Variants in PCDHGB6 observed in about 807,000 individuals in gnomAD.
PCDHGB6 encodes protocadherin gamma-B6.
In PCDHGB6, 51 loss-of-function variants were observed where a neutral mutation model predicts 59.1. The ratio of observed to expected loss-of-function variants is 0.86; its 90% confidence interval spans 0.69 to 1.09. The LOEUF (loss-of-function observed/expected upper bound fraction) is 1.09. Among genes scored for constraint, PCDHGB6 ranks in the 50% least tolerant of loss-of-function variants. The probability of loss-of-function intolerance (pLI) is 0.00; values close to 1 mark genes in which losing one functional copy is unlikely to be tolerated. For missense variants in PCDHGB6, 1,148 were observed against 1,205.1 expected, an observed-to-expected ratio of 0.95 and a Z score of 0.70; for synonymous variants, 466 against 495.1, an observed-to-expected ratio of 0.94 and a Z score of 0.78.
At chr5:141,455,634 G>T (rs1429708887) in intron 1 of PCDHGB6, among the ~76,000 whole-genome samples, 1 of 152,110 alleles carries the variant, frequency 6.6e-6, no homozygotes, top group African/African-American at 2.4e-5. Context: ...GAGATATGTG[G>T]GGGGCAGCCA....
Position 141,432,668 on chromosome 5 carries a change from G to C in PCDHGB6, c.2418+22048G>C, listed in dbSNP as rs1202414814. 2.5e-6 allele frequency: 4 copies of C among 1,613,742 alleles called. No individual in the cohort carries two copies. The highest frequency in any genetic ancestry group is 2.2e-5 in the South Asian group (2 of 91,068). On this transcript the variant is annotated intron_variant, in intron 1 of 3. Coordinates refer to ENST00000520790, the MANE Select transcript of PCDHGB6 (RefSeq NM_018926.3). This position sits in a 1 kb window ranked among gnomAD's most constrained non-coding sequence, Gnocchi z 6.0. The stretch of plus-strand genomic sequence containing the variant: ...GGCGCGAGCCCTGCTGGACAGAGAC[G>C]CGCTCAAGCAGAGCCTCGTAGTGGC...
chr5:141,504,963 AC>A (rs1409940135), intron 2 of PCDHGB6, among the ~76,000 whole-genome samples: 1 of 152,038 alleles, frequency 6.6e-6, no homozygotes, highest in Non-Finnish European at 1.5e-5. Context: ...AATGCATTGG[AC>A]CAGCCTGGCC....
At chr5:141,456,044 C>T (rs1307913066) in intron 1 of PCDHGB6, among the ~76,000 whole-genome samples, 2 of 151,826 alleles carry the variant, frequency 1.3e-5, no homozygotes, top group African/African-American at 2.4e-5. Context: ...ACTACAGGCG[C>T]CCACCACCAC....
chr5:141,488,210 A>G (rs2099673009), intron 1 of PCDHGB6, among the ~76,000 whole-genome samples: 1 of 152,192 alleles, frequency 6.6e-6, no homozygotes, highest in Admixed American at 6.5e-5. Context: ...ACTCATATCA[A>G]GTCCCTACTG....
Position 141,409,412 on chromosome 5 carries a change from C to A in PCDHGB6, c.1210C>A (p.Leu404Met). 1 of 1,614,032 alleles carries A rather than the reference C, an allele frequency of 6.2e-7. No individual in the cohort carries two copies. The highest frequency in any genetic ancestry group is 8.5e-7 in the Non-Finnish European group (1 of 1,179,902). The change falls in exon 1 of 4, where the codon CTG (leucine) becomes ATG (methionine). Residue 404 changes from leucine (L) to methionine (M), a missense_variant. Physicochemically the swap from Leu to Met is conservative, Grantham distance 15. Coordinates refer to ENST00000520790, the MANE Select transcript of PCDHGB6 (RefSeq NM_018926.3). The part of the protein sequence containing the change: ...IYSSSNNYYK[L>M]VTDGALDREQ... ...TTCTTCTTCCAATAACTACTACAAACTGGTGACAGATGGAGCCCTGGACCG... is the reference window on the plus strand; with the variant it reads ...TTCTTCTTCCAATAACTACTACAAAATGGTGACAGATGGAGCCCTGGACCG...
chr5:141,498,254 G>A (rs550611179), intron 2 of PCDHGB6, among the ~76,000 whole-genome samples: 2 of 152,338 alleles, frequency 1.3e-5, no homozygotes, highest in East Asian at 3.9e-4. Context: ...AGCAGGGCTG[G>A]TGTTGAGTTC....
intron 1 of PCDHGB6, among the ~76,000 whole-genome samples, chr5:141,442,810 T>C (rs2098345227): frequency 6.6e-6 from 1 of 152,222 alleles, no homozygotes; most frequent in Non-Finnish European, 1.5e-5. Context: ...ATTCAAATTG[T>C]ACTGATCCAA....
chr5:141,449,932 A>T (rs1275797555), intron 1 of PCDHGB6, among the ~76,000 whole-genome samples: 6 of 151,660 alleles, frequency 4.0e-5, no homozygotes, highest in Non-Finnish European at 5.9e-5. Flanking sequence ...CATACCTTAT[A>T]GTATATTTTA....
At chr5:141,438,633 TATACAC>T (rs1275936248) in intron 1 of PCDHGB6, among the ~76,000 whole-genome samples, 1,035 of 33,718 alleles carry the variant, frequency 0.031, 6 homozygotes, top group African/African-American at 0.063. Context: ...TATATATATA[TATACAC>T]ACACACACAC....
rs779292483 is a variant in PCDHGB6 at position 141,491,102 on chromosome 5, T to C, written c.2419-3705T>C. The C allele has an allele frequency of 6.2e-7, 1 of 1,614,152 alleles. No individual in the cohort carries two copies. Among genetic ancestry groups the C allele is most frequent in the Non-Finnish European group, 8.5e-7 (1 of 1,180,006 alleles). ...TCCACAGCCCCAGGACTGTTCCTCG[T>C]GTCTACACACACTGGTGAGGTGCGC... On this transcript the variant is annotated intron_variant, in intron 1 of 3. Transcript: ENST00000520790. This position sits in a 1 kb window ranked among gnomAD's most constrained non-coding sequence, Gnocchi z 6.9.
chr5:141,490,467 C>T lies in PCDHGB6; in HGVS notation c.2419-4340C>T. ...AGAACCACTACTCGCTGCTAACCAG[C>T]CAGCCTTTGGACCGGGAGGCCACAT... is the stretch of plus-strand genomic sequence containing the variant. On this transcript the variant is annotated intron_variant, in intron 1 of 3. Transcript: ENST00000520790. This position sits in a 1 kb window ranked among gnomAD's most constrained non-coding sequence, Gnocchi z 5.4. The T allele has an allele frequency of 6.2e-7, 1 of 1,614,216 alleles. No individual in the cohort carries two copies. The highest frequency in any genetic ancestry group is 8.5e-7 in the Non-Finnish European group (1 of 1,180,040).
chr5:141,433,208 C>CTTT, intron 1 of PCDHGB6: 2 of 1,293,022 alleles, frequency 1.5e-6, no homozygotes, highest in Non-Finnish European at 2.1e-6. Context: ...AATCTTCTTT[C>CTTT]TTTTTTTTTT....
At chr5:141,415,895 G>A in intron 1 of PCDHGB6, 1 of 898,210 alleles carries the variant, frequency 1.1e-6, no homozygotes, top group Non-Finnish European at 1.5e-6. Flanking sequence ...CAATTCCTAA[G>A]ACAGACTTCC....
chr5:141,511,031 A>G lies in PCDHGB6; in HGVS notation c.2651A>G (p.Gln884Arg). 6.2e-7 allele frequency: 1 copy of G among 1,614,244 alleles called. No individual in the cohort carries two copies. The highest frequency in any genetic ancestry group is 8.5e-7 in the Non-Finnish European group (1 of 1,180,034). ...SARYGPQFTL[Q>R]HVPDYRQNVY... Reference sequence around the variant, plus strand: ...CGCTACGGACCCCAGTTCACCCTGCAGCACGTGCCCGACTACCGCCAGAAT... The same window carrying G: ...CGCTACGGACCCCAGTTCACCCTGCGGCACGTGCCCGACTACCGCCAGAAT... The change falls in exon 4 of 4, where the codon CAG (glutamine) becomes CGG (arginine). Residue 884 changes from glutamine to arginine, a missense_variant. Gln to Arg is a conservative substitution (Grantham distance 43). Coordinates refer to ENST00000520790, the MANE Select transcript of PCDHGB6 (RefSeq NM_018926.3).
chr5:141,511,215 A>G lies in PCDHGB6; in HGVS notation c.*42A>G, dbSNP rs1562250541. On this transcript the variant is annotated 3_prime_UTR_variant, in exon 4 of 4. Coordinates refer to ENST00000520790, the MANE Select transcript of PCDHGB6 (RefSeq NM_018926.3). ...AGAGCCACAGGGCGGCCTCTCCCCA[A>G]CCAGCCCAGCTTCTCCTTACCTGCA... The G allele has an allele frequency of 1.2e-6, 2 of 1,608,380 alleles. No individual in the cohort carries two copies. The highest frequency in any genetic ancestry group is 2.2e-5 in the East Asian group (1 of 44,560).
chr5:141,455,476 G>C (rs2098823789), intron 1 of PCDHGB6, among the ~76,000 whole-genome samples: 1 of 152,218 alleles, frequency 6.6e-6, no homozygotes. Flanking sequence ...ATATGCAGAG[G>C]CTGGTGGAGG....
rs1025148587 is a variant in PCDHGB6, at chr5:141,431,434, C to T, written c.2418+20814C>T. ...GGGGCGACCCGGTGCGCACAGGCAC[C>T]GCGCGCATCCGCGTGATGGTTCTGG... On this transcript the variant is annotated intron_variant, in intron 1 of 3. Transcript: ENST00000520790. This position sits in a 1 kb window ranked among gnomAD's most constrained non-coding sequence, Gnocchi z 4.8. The T allele has an allele frequency of 6.2e-7, 1 of 1,613,690 alleles. No homozygotes were observed. The highest frequency in any genetic ancestry group is 1.3e-5 in the African/African-American group (1 of 75,072).
chr5:141,459,068 A>G (rs1278498678), intron 1 of PCDHGB6, among the ~76,000 whole-genome samples: 1 of 152,226 alleles, frequency 6.6e-6, no homozygotes, highest in African/African-American at 2.4e-5. Flanking sequence ...TATATAACAT[A>G]AAATTTGCCT....
chr5:141,444,373 G>A (rs2098434682), intron 1 of PCDHGB6, among the ~76,000 whole-genome samples: 1 of 151,902 alleles, frequency 6.6e-6, no homozygotes, highest in South Asian at 2.1e-4. Context: ...GTTTCTCCAT[G>A]TTGGTCAGGC....
Sources: gnomAD v4.1 joint callset for allele counts (sites outside exome capture counted in the v4.1 genomes callset) on GRCh38, gnomAD v4.1.1 for gene constraint, Gnocchi (gnomAD v3.1) non-coding constraint, MANE v1.5 for transcripts, NCBI Gene and HGNC (gene_info 2026-07-23, HGNC 2026-07-21) for gene names.